SC5D: variants seen among roughly 807,000 people sequenced by gnomAD.
SC5D encodes the protein lathosterol oxidase.
A neutral mutation model predicts 23.9 loss-of-function variants in SC5D; 21 were observed. The observed-to-expected ratio is 0.88, with a 90% CI of 0.62 to 1.26. SC5D has a LOEUF of 1.26. Among genes scored for constraint, SC5D ranks in the 50% most tolerant of loss-of-function variants. The pLI is 0.00. For missense variants in SC5D, 309 were observed against 364.8 expected, an observed-to-expected ratio of 0.85 and a Z score of 1.25; for synonymous variants, 113 against 125.9, an observed-to-expected ratio of 0.90 and a Z score of 0.68.
In SC5D at chr11:121,312,479, A is replaced by T. The variant is rs1194058522; in HGVS notation, c.*4967A>T. ...TTAATCACATTTTCTTAAACATTTGATAAGAGATTTAATATTTTGATCCAA... is the reference window on the plus strand; with the variant it reads ...TTAATCACATTTTCTTAAACATTTGTTAAGAGATTTAATATTTTGATCCAA... On this transcript the variant is annotated 3_prime_UTR_variant, in exon 5 of 5. Transcript: ENST00000264027. Among the ~76,000 whole-genome samples, 1 of 152,154 alleles carries T rather than the reference A, an allele frequency of 6.6e-6. No individual in the cohort carries two copies. Among genetic ancestry groups the T allele is most frequent in the African/African-American group, 2.4e-5 (1 of 41,454 alleles).
chr11:121,301,311 T>G (rs890886048), intron 1 of SC5D, among the ~76,000 whole-genome samples: 28 of 152,222 alleles, frequency 1.8e-4, no homozygotes, highest in African/African-American at 4.8e-4. Context: ...AAGTTTTTTT[T>G]TTTTTTTTTT....
Position 121,303,392 on chromosome 11 carries a change from G to C in SC5D, c.17G>C (p.Arg6Pro), listed in dbSNP as rs370681255. 2 of 1,613,772 alleles carry C rather than the reference G, an allele frequency of 1.2e-6. No individual in the cohort carries two copies. The highest frequency in any genetic ancestry group is 2.7e-5 in the African/African-American group (2 of 74,886). The change falls in exon 2 of 5, where the codon CGT becomes CCT. Residue 6 changes from arginine (R) to proline (P), a missense_variant. By Grantham distance (103) the Arg-to-Pro change is moderately radical. Coordinates refer to ENST00000264027, the MANE Select transcript of SC5D (RefSeq NM_006918.5). Reference sequence around the variant, plus strand: ...GGCTAAGTGATGGATCTTGTACTCCGTGTTGCAGATTACTATTTTTTTACA... The same window carrying C: ...GGCTAAGTGATGGATCTTGTACTCCCTGTTGCAGATTACTATTTTTTTACA... Reference protein sequence around the residue: MDLVLRVADYYFFTPY... With the variant: MDLVLPVADYYFFTPY...
intron 1 of SC5D, among the ~76,000 whole-genome samples, chr11:121,297,553 T>C (rs929839606): frequency 1.3e-5 from 2 of 152,246 alleles, no homozygotes; most frequent in African/African-American, 4.8e-5. Flanking sequence ...CAGGTATTCC[T>C]GGTGTTTTTT....
Position 121,311,191 on chromosome 11 carries a change from T to A in SC5D, c.*3679T>A, listed in dbSNP as rs1198717369. On this transcript the variant is annotated 3_prime_UTR_variant, in exon 5 of 5. Coordinates refer to ENST00000264027, the MANE Select transcript of SC5D (RefSeq NM_006918.5). ...TGGTTAAAGTTCAATAAATACTTTG[T>A]TGAATTTATTAATAAAATGGCAGAA... Among the ~76,000 whole-genome samples, 1 of 152,252 alleles carries A rather than the reference T, an allele frequency of 6.6e-6. No individual in the cohort carries two copies. The highest frequency in any genetic ancestry group is 1.5e-5 in the Non-Finnish European group (1 of 68,042).
chr11:121,305,836 G>A (rs912446056), intron 3 of SC5D: 1 of 155,436 alleles, frequency 6.4e-6, no homozygotes, highest in Non-Finnish European at 1.4e-5. Context: ...AGGGAGAGAG[G>A]ACATTTTAGG....
In SC5D at chr11:121,306,564, T is replaced by G. The variant is rs558184991; in HGVS notation, c.444+78T>G. 1.4e-4 allele frequency: 111 copies of G among 776,652 alleles called. 1 individual carries two copies. In the African/African-American group the frequency reaches 1.7e-3, roughly 12 times the overall value. The allele number at this position is 776,652 out of a possible 1,614,324, so 48.1% of individuals were successfully genotyped here. A position where few individuals can be genotyped will look rare whatever the true frequency, so the allele number is the denominator to read the frequency against. On this transcript the variant is annotated intron_variant, in intron 4 of 4. Transcript: ENST00000264027. ...ATGATTATAAATTCTGTTCTCTATT[T>G]CCAAGAATTTCCTCTACCCATATTA...
At chr11:121,295,286 A>G (rs577824159) in intron 1 of SC5D, among the ~76,000 whole-genome samples, 47 of 152,356 alleles carry the variant, frequency 3.1e-4, no homozygotes, top group African/African-American at 1.1e-3. Context: ...TGAGACATCA[A>G]TCAATATGTG....
rs369904250 is a variant in SC5D, at chr11:121,304,508, C to G, written c.343+15C>G. 6.2e-7 allele frequency: 1 copy of G among 1,611,422 alleles called. No individual in the cohort carries two copies. Reference sequence around the variant, plus strand: ...GTTTCCATATGGTAAGTAAATAACACGAGTGTCAGGAAGAGAGTAGTCTAA... The same window carrying G: ...GTTTCCATATGGTAAGTAAATAACAGGAGTGTCAGGAAGAGAGTAGTCTAA... On this transcript the variant is annotated intron_variant, in intron 3 of 4. Transcript: ENST00000264027.
In SC5D at chr11:121,307,182, C is replaced by G; in HGVS notation, c.570C>G (p.His190Gln). 6.2e-7 allele frequency: 1 copy of G among 1,614,050 alleles called. No individual in the cohort carries two copies. Among genetic ancestry groups the G allele is most frequent in the Non-Finnish European group, 8.5e-7 (1 of 1,179,946 alleles). ...TATACCCTTTTATCTTTCCATTACA[C>G]AAGGTGGTTTATTTAAGTCTGTACA... ...YHIYPFIFPL[H>Q]KVVYLSLYIL... Residue 190 changes from histidine to glutamine, a missense_variant, in exon 5 of 5, where the codon CAC becomes CAG. Coordinates refer to ENST00000264027, the MANE Select transcript of SC5D (RefSeq NM_006918.5).
rs1015793741 is a variant in SC5D, at chr11:121,312,801, A to G, written c.*5289A>G. On this transcript the variant is annotated 3_prime_UTR_variant, in exon 5 of 5. Transcript: ENST00000264027. ...TCCTCTATTATAATTTAACTCATTA[A>G]GCCATTTATTTAGATGTAAACTTGC... Among the ~76,000 whole-genome samples the G allele has an allele frequency of 6.6e-5, 10 of 152,232 alleles. No individual in the cohort carries two copies. The highest frequency in any genetic ancestry group is 2.0e-4 in the Admixed American group (3 of 15,286).
chr11:121,306,543 T>C (rs1026611449), intron 4 of SC5D, 57 bp downstream of exon 4: 12 of 870,242 alleles, frequency 1.4e-5, no homozygotes, highest in Non-Finnish European at 2.2e-5. Context: ...CAATGTATGA[T>C]TATAAATTCT....
intron 3 of SC5D, chr11:121,305,887 C>G: frequency 6.0e-6 from 1 of 167,196 alleles, no homozygotes; most frequent in Non-Finnish European, 1.3e-5. Context: ...GGTAAAACTT[C>G]CAAGACAGTG....
chr11:121,299,546 AC>A (rs1292748064), intron 1 of SC5D, among the ~76,000 whole-genome samples: 1 of 152,264 alleles, frequency 6.6e-6, no homozygotes, highest in Non-Finnish European at 1.5e-5. Flanking sequence ...AATACCATTT[AC>A]AGTATGTACT....
In SC5D at chr11:121,309,491, T is replaced by C. The variant is rs1016466462; in HGVS notation, c.*1979T>C. Among the ~76,000 whole-genome samples the C allele has an allele frequency of 6.6e-6, 1 of 152,194 alleles. No individual in the cohort carries two copies. Among genetic ancestry groups the C allele is most frequent in the Non-Finnish European group, 1.5e-5 (1 of 68,026 alleles). Reference sequence around the variant, plus strand: ...ATTTGTGGTGTTCTCCTCTTGTTGATGTTGAAATGGTGAATGAGCCATAAA... The same window carrying C: ...ATTTGTGGTGTTCTCCTCTTGTTGACGTTGAAATGGTGAATGAGCCATAAA... On this transcript the variant is annotated 3_prime_UTR_variant, in exon 5 of 5. Transcript: ENST00000264027.
intron 1 of SC5D, among the ~76,000 whole-genome samples, chr11:121,297,986 T>C (rs931345447): frequency 2.0e-5 from 3 of 152,226 alleles, no homozygotes; most frequent in African/African-American, 7.2e-5. Context: ...TTTAATCATT[T>C]ACTTTTACTT....
chr11:121,304,777 A>T, intron 3 of SC5D: 1 of 314,048 alleles, frequency 3.2e-6, no homozygotes, highest in South Asian at 3.5e-5. Context: ...ATTGAATTCA[A>T]CCTTCTAAAA....
intron 1 of SC5D, chr11:121,293,057 G>C (rs941073764): frequency 6.6e-6 from 1 of 152,088 alleles, no homozygotes; most frequent in Non-Finnish European, 1.5e-5. Context: ...GTCCTGCGCC[G>C]AGTGAGAGGA....
chr11:121,307,193 A>T lies in SC5D; in HGVS notation c.581A>T (p.Tyr194Phe), dbSNP rs749173837. The T allele has an allele frequency of 6.2e-7, 1 of 1,614,166 alleles. No homozygotes were observed. The highest frequency in any genetic ancestry group is 8.5e-7 in the Non-Finnish European group (1 of 1,180,010). The change falls in exon 5 of 5, where the codon TAT becomes TTT. Residue 194 changes from tyrosine to phenylalanine, a missense_variant. Coordinates refer to ENST00000264027, the MANE Select transcript of SC5D (RefSeq NM_006918.5). ...PFIFPLHKVV[Y>F]LSLYILVNIW... is the part of the protein sequence containing the mutation. Reference sequence around the variant, plus strand: ...ATCTTTCCATTACACAAGGTGGTTTATTTAAGTCTGTACATCTTGGTTAAT... The same window carrying T: ...ATCTTTCCATTACACAAGGTGGTTTTTTTAAGTCTGTACATCTTGGTTAAT...
At chr11:121,306,539 A>G (rs1947966158) in intron 4 of SC5D, 53 bp downstream of exon 4, 9 of 877,992 alleles carry the variant, frequency 1.0e-5, no homozygotes, top group Non-Finnish European at 1.8e-5. Context: ...TCAGCAATGT[A>G]TGATTATAAA....
Sources: gnomAD v4.1 joint callset for allele counts (sites outside exome capture counted in the v4.1 genomes callset) on GRCh38, gnomAD v4.1.1 for gene constraint, MANE v1.5 for transcripts, NCBI Gene and HGNC (gene_info 2026-07-23, HGNC 2026-07-21) for gene names.